Variants in SEC63 observed in about 807,000 individuals in gnomAD.
SEC63 encodes translocation protein SEC63 homolog.
In SEC63, 56 loss-of-function variants were observed where a neutral mutation model predicts 116.2. The ratio of observed to expected loss-of-function variants is 0.48; its 90% CI spans 0.39 to 0.60. SEC63 has a LOEUF of 0.60. SEC63 is among the 20% of genes least tolerant of loss of function. The pLI is 0.00. For synonymous variants in SEC63, 273 were observed against 294.6 expected (o/e 0.93, Z 0.75); for missense variants, 668 against 900.0 (o/e 0.74, Z 3.30).
intron 4 of SEC63, among the ~76,000 whole-genome samples, chr6:107,920,290 G>T (rs1181165347): frequency 6.6e-6 from 1 of 151,726 alleles, no homozygotes; most frequent in Non-Finnish European, 1.5e-5. Flanking sequence ...GCCGGGCGTG[G>T]TGGCAGGCAC....
chr6:107,913,500 C>G lies in SEC63; in HGVS notation c.453-73G>C. 18 of 1,020,308 alleles carry G rather than the reference C, an allele frequency of 1.8e-5. 2 individuals carry two copies. The South Asian group carries it at 2.3e-4, about 13-fold the overall frequency. The allele number at this position is 1,020,308 out of a possible 1,614,324, so 63.2% of individuals were successfully genotyped here. A position where few individuals can be genotyped will look rare whatever the true frequency, so the allele number is the denominator to read the frequency against. On this transcript the variant is annotated intron_variant, in intron 4 of 20. Coordinates refer to ENST00000369002, the MANE Select transcript of SEC63 (RefSeq NM_007214.5). ...AAACAAGTACTCATATAGACAAACT[C>G]CATTAGCCAACCAACTCATTTCTTA...
At chr6:107,952,755 G>A (rs956867051) in intron 1 of SEC63, among the ~76,000 whole-genome samples, 2 of 151,868 alleles carry the variant, frequency 1.3e-5, no homozygotes, top group Non-Finnish European at 2.9e-5. Context: ...GAGACTTCAT[G>A]CCAAAACAAA....
At chr6:107,896,889 G>A (rs930682172) in intron 14 of SEC63, among the ~76,000 whole-genome samples, 3 of 151,896 alleles carry the variant, frequency 2.0e-5, no homozygotes, top group Non-Finnish European at 4.4e-5. Flanking sequence ...TGAGGCAGGA[G>A]AATCACTTGA....
intron 18 of SEC63, among the ~76,000 whole-genome samples, chr6:107,879,491 A>C (rs1377643627): frequency 6.6e-6 from 1 of 151,972 alleles, no homozygotes; most frequent in African/African-American, 2.4e-5. Flanking sequence ...ATGCCCAGCC[A>C]ATTTTGTATT....
At chr6:107,902,780 T>G in intron 12 of SEC63, 64 bp downstream of exon 12, 2 of 1,491,126 alleles carry the variant, frequency 1.3e-6, no homozygotes, top group East Asian at 4.5e-5. Flanking sequence ...AAACTTTTAT[T>G]CATGTTACCT....
At chr6:107,883,221 C>T in intron 16 of SEC63, 75 bp from the exon 17 acceptor site, 4 of 1,579,910 alleles carry the variant, frequency 2.5e-6, no homozygotes, top group Non-Finnish European at 3.4e-6. Context: ...CTGAAGTTAA[C>T]TTATTGTCAA....
chr6:107,915,747 T>C (rs1373229335), intron 4 of SEC63, among the ~76,000 whole-genome samples: 2 of 152,210 alleles, frequency 1.3e-5, no homozygotes, highest in Non-Finnish European at 2.9e-5. Flanking sequence ...TCAAAGCCTA[T>C]ATAACTGCAT....
At chr6:107,949,611 G>A (rs1026806660) in intron 1 of SEC63, among the ~76,000 whole-genome samples, 1 of 152,078 alleles carries the variant, frequency 6.6e-6, no homozygotes, top group African/African-American at 2.4e-5. Flanking sequence ...AAAACAAATA[G>A]CAAAATGACA....
chr6:107,911,365 AC>A lies in SEC63; in HGVS notation c.604del (p.Val202LeufsTer23). 6.2e-7 allele frequency: 1 copy of A among 1,608,474 alleles called. No individual in the cohort carries two copies. The highest frequency in any genetic ancestry group is 8.5e-7 in the Non-Finnish European group (1 of 1,175,170). The part of the protein sequence containing the change: ...VLLVYGLAFM[V>X]ILPVVVGSWW... Reference sequence around the variant, plus strand: ...ACTTACCACAACAACTGGAAGGATAACCATAAATGCCAATCCATATACAAGT... The same window carrying A: ...ACTTACCACAACAACTGGAAGGATAACATAAATGCCAATCCATATACAAGT... On this transcript the variant is annotated frameshift_variant, in exon 7 of 21. Transcript: ENST00000369002. LOFTEE classifies it high-confidence loss of function.
At chr6:107,943,806 A>G (rs1583776423) in intron 1 of SEC63, among the ~76,000 whole-genome samples, 1 of 152,234 alleles carries the variant, frequency 6.6e-6, no homozygotes, top group Admixed American at 6.5e-5. Context: ...TGGAAACAGC[A>G]AAGTGATCAA....
chr6:107,885,406 C>T (rs1008418697), intron 16 of SEC63, among the ~76,000 whole-genome samples: 1 of 152,014 alleles, frequency 6.6e-6, no homozygotes, highest in East Asian at 1.9e-4. Flanking sequence ...TACAGTAATA[C>T]CAGAAAGGAT....
chr6:107,940,966 T>G (rs1022186864), intron 1 of SEC63, among the ~76,000 whole-genome samples: 1 of 151,988 alleles, frequency 6.6e-6, no homozygotes, highest in African/African-American at 2.4e-5. Context: ...ATCCATAGCC[T>G]AAGTAAAAGG....
At chr6:107,934,094 G>A (rs1483579650) in intron 1 of SEC63, among the ~76,000 whole-genome samples, 10 of 152,296 alleles carry the variant, frequency 6.6e-5, no homozygotes, top group African/African-American at 2.2e-4. Flanking sequence ...CCAGCCGCCT[G>A]CCTTGGCCTC....
intron 7 of SEC63, 73 bp from the exon 8 acceptor site, chr6:107,909,108 C>T (rs1787219629): frequency 1.9e-6 from 2 of 1,049,624 alleles, no homozygotes; most frequent in South Asian, 1.3e-5. Context: ...TGGCTCATTC[C>T]TGTAATCCCA....
At chr6:107,905,307 G>A (rs1275494396) in intron 10 of SEC63, among the ~76,000 whole-genome samples, 2 of 152,162 alleles carry the variant, frequency 1.3e-5, no homozygotes, top group Non-Finnish European at 2.9e-5. Flanking sequence ...GTATTTCAAA[G>A]CAACTCCAAT....
rs1195135297 is a variant in SEC63, at chr6:107,869,989, T to C, written c.*1715A>G. The C allele has an allele frequency of 2.0e-5, 3 of 152,238 alleles. No homozygotes were observed. Among genetic ancestry groups the C allele is most frequent in the African/African-American group, 7.2e-5 (3 of 41,430 alleles). 9.4% of individuals were successfully genotyped at this position (152,238 alleles called of 1,614,324 possible). Reference sequence around the variant, plus strand: ...ATTGTTCTGTCTTGTCTGCTCAGTTTCCTTGCCTTCGTGCCACACCTGTTT... The same window carrying C: ...ATTGTTCTGTCTTGTCTGCTCAGTTCCCTTGCCTTCGTGCCACACCTGTTT... On this transcript the variant is annotated 3_prime_UTR_variant, in exon 21 of 21. Transcript: ENST00000369002.
In SEC63 at chr6:107,957,928, T is replaced by C; in HGVS notation, c.82A>G (p.Ile28Val). ...GGCCAGAGGTAGTATGTCGCCGGGA[T>C]CACGATGAGCCCCACGAAGGAGGTG... Reference protein sequence around the residue: ...FLTSFVGLIVIPATYYLWPRD... With the variant: ...FLTSFVGLIVVPATYYLWPRD... The change falls in exon 1 of 21, where the codon ATC becomes GTC. Residue 28 changes from isoleucine to valine, a missense_variant. Physicochemically the swap from Ile to Val is conservative, Grantham distance 29. Around this residue, in one of 5 missense-constraint regions of SEC63, gnomAD observed 142 missense variants for 169.5 expected, o/e 0.84. Coordinates refer to ENST00000369002, the MANE Select transcript of SEC63 (RefSeq NM_007214.5). The C allele has an allele frequency of 6.2e-7, 1 of 1,613,152 alleles. No homozygotes were observed. Among genetic ancestry groups the C allele is most frequent in the Non-Finnish European group, 8.5e-7 (1 of 1,179,508 alleles).
At chr6:107,953,506 C>A (rs1330675096) in intron 1 of SEC63, among the ~76,000 whole-genome samples, 336 of 97,892 alleles carry the variant, frequency 3.4e-3, no homozygotes, top group Admixed American at 4.5e-3. Flanking sequence ...CCAGCCGCCC[C>A]GTCCGGGAGG....
chr6:107,886,788 T>C (rs886926073), intron 16 of SEC63, among the ~76,000 whole-genome samples: 6 of 152,098 alleles, frequency 3.9e-5, no homozygotes, highest in Non-Finnish European at 7.4e-5. Context: ...TTATAAAAAC[T>C]TTCTCCCATT....
Sources: gnomAD v4.1 joint callset for allele counts (sites outside exome capture counted in the v4.1 genomes callset) on GRCh38, gnomAD v4.1.1 for gene constraint, gnomAD v4.1.1 regional missense constraint, MANE v1.5 for transcripts, NCBI Gene and HGNC (gene_info 2026-07-23, HGNC 2026-07-21) for gene names.